The following DNAJB1 variants were observed in gnomAD, a reference collection of about 807,000 sequenced individuals.
DNAJB1 encodes the protein dnaJ homolog subfamily B member 1.
In DNAJB1, 14 loss-of-function variants were observed where a neutral mutation model predicts 24.0. That is an observed-to-expected ratio of 0.58 (90% CI 0.39 to 0.91). The LOEUF is 0.91. Among genes scored for constraint, DNAJB1 ranks in the 40% least tolerant of loss-of-function variants. The pLI is 0.00. For missense variants in DNAJB1, 517 were observed against 458.1 expected (o/e 1.13, Z -1.17); for synonymous variants, 262 against 174.4 (o/e 1.50, Z -3.96).
chr19:14,537,977 C>T (rs911930815), intron 1 of DNAJB1, among the ~76,000 whole-genome samples: 13 of 152,034 alleles, frequency 8.6e-5, no homozygotes, highest in Admixed American at 3.9e-4. Context: ...AACTCTTGAC[C>T]TCAGGTGATC....
chr19:14,539,970 C>G (rs2073039817), intron 1 of DNAJB1, among the ~76,000 whole-genome samples: 1 of 151,972 alleles, frequency 6.6e-6, no homozygotes, highest in South Asian at 2.1e-4. Context: ...ACCTCCACCT[C>G]CCGGGTTCAA....
chr19:14,557,600 C>G (rs546977065), intron 1 of DNAJB1, among the ~76,000 whole-genome samples: 2 of 151,292 alleles, frequency 1.3e-5, no homozygotes, highest in South Asian at 4.2e-4. Context: ...TACAGGCATG[C>G]ACCACCACGC....
At chr19:14,555,601 A>G (rs185828340) in intron 1 of DNAJB1, among the ~76,000 whole-genome samples, 86 of 151,862 alleles carry the variant, frequency 5.7e-4, no homozygotes, top group African/African-American at 2.0e-3. Flanking sequence ...GTGTGCCACC[A>G]CACTTGGCTA....
At chr19:14,560,152 C>G (rs2073861008) in exon 1 of DNAJB1, among the ~76,000 whole-genome samples, 1 of 152,226 alleles carries the variant, frequency 6.6e-6, no homozygotes, top group South Asian at 2.1e-4. Flanking sequence ...GCGTCCTCTC[C>G]CAGCAGCTAG....
At chr19:14,529,618 A>G, upstream of DNAJB1, 3 of 1,608,316 alleles carry the variant, frequency 1.9e-6, no homozygotes, top group Non-Finnish European at 1.7e-6. Flanking sequence ...TGCGGTTGCG[A>G]GCGCTGTAGG....
At chr19:14,526,580 CAGCATAGTAGGTGCATG>C (rs554702185) in intron 2 of DNAJB1, among the ~76,000 whole-genome samples, 18 of 152,232 alleles carry the variant, frequency 1.2e-4, no homozygotes, top group African/African-American at 4.3e-4. Flanking sequence ...GGTTGACACG[CAGCATAGTAGGTGCATG>C]AGGATGATTT....
Position 14,518,140 on chromosome 19 carries a change from T to G in DNAJB1, c.210A>C (p.Glu70Asp). The G allele has an allele frequency of 1.3e-6, 2 of 1,550,368 alleles. No homozygotes were observed. The highest frequency in any genetic ancestry group is 1.7e-6 in the Non-Finnish European group (2 of 1,149,672). ...KREIFDRYGE[E>D]GLKGSGPSGG... Reference sequence around the variant, plus strand: ...GCGCCCCTGGCCGCGAGCACACACCTTCCTCCCCGTAGCGGTCGAAGATCT... The same window carrying G: ...GCGCCCCTGGCCGCGAGCACACACCGTCCTCCCCGTAGCGGTCGAAGATCT... Residue 70 changes from glutamate (E) to aspartate (D), a missense_variant and splice_region_variant, in exon 1 of 3, where the codon GAA (glutamate) becomes GAC (aspartate). Transcript: ENST00000254322.
chr19:14,549,962 AT>A (rs1353008292), intron 1 of DNAJB1, among the ~76,000 whole-genome samples: 2 of 151,948 alleles, frequency 1.3e-5, no homozygotes, highest in African/African-American at 2.4e-5. Flanking sequence ...AATAAAAAAA[AT>A]AAACTATACA....
rs376180109 is a variant in DNAJB1 at position 14,516,958 on chromosome 19, G to C, written c.300C>G (p.Ala100=). Residue 100 remains alanine, a synonymous_variant, in exon 2 of 3, where the codon GCC becomes GCG. Coordinates refer to ENST00000254322, the MANE Select transcript of DNAJB1 (RefSeq NM_006145.3). ...TGCCACCGAAGAACTCAGCAAACAT[G>C]GCATGAGGGTCTCCATGGAATGTGT... ...FSYTFHGDPH[A]MFAEFFGGRN... is the part of the protein sequence containing the mutation. 1 of 1,613,522 alleles carries C rather than the reference G, an allele frequency of 6.2e-7. No individual in the cohort carries two copies. The highest frequency in any genetic ancestry group is 8.5e-7 in the Non-Finnish European group (1 of 1,180,014).
rs1233386964 is a variant in DNAJB1 at position 14,518,183 on chromosome 19, C to T, written c.167G>A (p.Ser56Asn). The T allele has an allele frequency of 6.3e-7, 1 of 1,594,678 alleles. No homozygotes were observed. Among genetic ancestry groups the T allele is most frequent in the South Asian group, 1.1e-5 (1 of 89,382 alleles). Reference protein sequence around the residue: ...KEIAEAYDVLSDPRKREIFDR... With the variant: ...KEIAEAYDVLNDPRKREIFDR... ...GAAGATCTCGCGCTTGCGCGGGTCGCTGAGCACGTCGTAGGCCTCAGCGAT... is the reference window on the plus strand; with the variant it reads ...GAAGATCTCGCGCTTGCGCGGGTCGTTGAGCACGTCGTAGGCCTCAGCGAT... The change falls in exon 1 of 3, where the codon AGC becomes AAC. Residue 56 changes from serine (S) to asparagine (N), a missense_variant. Ser to Asn is a conservative substitution (Grantham distance 46). Transcript: ENST00000254322.
upstream of DNAJB1, chr19:14,518,398 G>C (rs775726800): frequency 6.6e-7 from 1 of 1,505,686 alleles, no homozygotes; most frequent in Non-Finnish European, 8.8e-7. Context: ...CCCCGGCTCC[G>C]CCGCCGACCA....
chr19:14,544,548 T>C (rs2073236750), intron 1 of DNAJB1, among the ~76,000 whole-genome samples: 1 of 150,736 alleles, frequency 6.6e-6, no homozygotes, highest in Non-Finnish European at 1.5e-5. Context: ...GTCCTGAGCT[T>C]ATAGCATATC....
chr19:14,546,540 C>T (rs996306589), intron 1 of DNAJB1, among the ~76,000 whole-genome samples: 11 of 152,114 alleles, frequency 7.2e-5, no homozygotes, highest in Admixed American at 5.2e-4. Context: ...TGAGCAACCT[C>T]CTGCAGAAAT....
rs1336776883 is a variant in DNAJB1, at chr19:14,515,939, G to A, written c.*1C>T. The A allele has an allele frequency of 2.5e-6, 4 of 1,606,666 alleles. No homozygotes were observed. Among genetic ancestry groups the A allele is most frequent in the Middle Eastern group, 2.0e-4 (1 of 5,128 alleles). The stretch of plus-strand genomic sequence containing the variant: ...GGTCAGTCCTTGGGGAGCTCAGATA[G>A]CTATATTGGAAGAACCTGCTCAAGT... On this transcript the variant is annotated 3_prime_UTR_variant, in exon 3 of 3. Transcript: ENST00000254322.
upstream of DNAJB1, among the ~76,000 whole-genome samples, chr19:14,520,731 T>A (rs2072350453): frequency 6.6e-6 from 1 of 152,170 alleles, no homozygotes; most frequent in Non-Finnish European, 1.5e-5. Context: ...GGCTCACGCC[T>A]GTCATCCCAG....
rs2072239415 is a variant in DNAJB1 at position 14,515,466 on chromosome 19, C to T, written c.*474G>A. 1 of 155,694 alleles carries T rather than the reference C, an allele frequency of 6.4e-6. No homozygotes were observed. Among genetic ancestry groups the T allele is most frequent in the Non-Finnish European group, 1.4e-5 (1 of 69,926 alleles). 9.6% of individuals were successfully genotyped at this position (155,694 alleles called of 1,614,324 possible). The stretch of plus-strand genomic sequence containing the variant: ...ATGGCCAAAGAGAAGACAGAATTCT[C>T]CAGGAGAAGAGCAAGACATGGGAGA... On this transcript the variant is annotated 3_prime_UTR_variant, in exon 3 of 3. Transcript: ENST00000254322.
At position 14,516,530 on chromosome 19, in the gene DNAJB1, G is replaced by C; in HGVS notation, c.728C>G (p.Pro243Arg). 1 of 1,614,166 alleles carries C rather than the reference G, an allele frequency of 6.2e-7. No individual in the cohort carries two copies. The highest frequency in any genetic ancestry group is 8.5e-7 in the Non-Finnish European group (1 of 1,180,038). Reference protein sequence around the residue: ...ADIVFVLKDKPHNIFKRDGSD... With the variant: ...ADIVFVLKDKRHNIFKRDGSD... ...GCCATCTCTCTTAAAGATATTGTGG[G>C]GCTTGTCCTTTAAAACAAAGACGAT... The change falls in exon 2 of 3, where the codon CCC (proline) becomes CGC (arginine). Residue 243 changes from proline (P) to arginine (R), a missense_variant. Coordinates refer to ENST00000254322, the MANE Select transcript of DNAJB1 (RefSeq NM_006145.3).
chr19:14,525,285 C>G (rs2072406956), intron 2 of DNAJB1, among the ~76,000 whole-genome samples: 1 of 151,992 alleles, frequency 6.6e-6, no homozygotes, highest in South Asian at 2.1e-4. Flanking sequence ...TGGCTCCTCT[C>G]AATTTCATCA....
chr19:14,551,152 A>T (rs547525749), upstream of DNAJB1, among the ~76,000 whole-genome samples: 1 of 151,186 alleles, frequency 6.6e-6, no homozygotes, highest in Non-Finnish European at 1.5e-5. Flanking sequence ...GCTCACTGCA[A>T]CCTCCACCTC....
Sources: allele counts gnomAD v4.1 joint callset (sites outside exome capture counted in the v4.1 genomes callset), GRCh38; gene constraint gnomAD v4.1.1; transcripts MANE v1.5; gene names NCBI Gene and HGNC (gene_info 2026-07-23, HGNC 2026-07-21).